Variants in OSBPL1A observed in about 807,000 individuals in gnomAD.
OSBPL1A encodes oxysterol-binding protein-related protein 1.
Under a neutral mutation model 137.1 loss-of-function variants are expected in OSBPL1A, and 80 were observed. The ratio of observed to expected loss-of-function variants is 0.58; its 90% CI spans 0.49 to 0.70. The LOEUF is 0.70. OSBPL1A is among the 30% of genes least tolerant of loss of function. OSBPL1A has a pLI of 0.00. For synonymous variants in OSBPL1A, 365 were observed against 389.7 expected (o/e 0.94, Z 0.75); for missense variants, 970 against 1,129.4 (o/e 0.86, Z 2.02).
At chr18:24,263,103 T>A (rs986423139) in intron 15 of OSBPL1A, among the ~76,000 whole-genome samples, 1 of 152,200 alleles carries the variant, frequency 6.6e-6, no homozygotes, top group Non-Finnish European at 1.5e-5. Context: ...GACAATCACT[T>A]TGCTTTTTTA....
chr18:24,178,307 T>C (rs768931175), intron 20 of OSBPL1A, 112 bp from the exon 21 acceptor site: 16 of 1,094,182 alleles, frequency 1.5e-5, no homozygotes, highest in Non-Finnish European at 2.0e-5. Context: ...TTTGTTGTTG[T>C]TGTTGAGACA....
At chr18:24,363,447 CTTTTT>C (rs575394950) in intron 4 of OSBPL1A, among the ~76,000 whole-genome samples, 2 of 131,034 alleles carry the variant, frequency 1.5e-5, no homozygotes, top group Non-Finnish European at 3.2e-5. Context: ...TCTTTTTTTC[CTTTTT>C]TTTTTTTTTT....
chr18:24,260,836 T>TTAAAAAAAAAAA (rs2089429602), intron 15 of OSBPL1A, among the ~76,000 whole-genome samples: 1 of 49,820 alleles, frequency 2.0e-5, no homozygotes. Context: ...TTAAAAGAAC[T>TTAAAAAAAAAAA]CAAAAAAAAA....
chr18:24,251,607 C>G (rs559648421), intron 15 of OSBPL1A, among the ~76,000 whole-genome samples: 1 of 152,190 alleles, frequency 6.6e-6, no homozygotes, highest in Non-Finnish European at 1.5e-5. Context: ...AGGACAGGCA[C>G]AAACAAGCCT....
rs148564549 is a variant in OSBPL1A at position 24,296,968 on chromosome 18, C to T, written c.1174+6669G>A. Among the ~76,000 whole-genome samples, 1,224 of 151,984 alleles carry T rather than the reference C, an allele frequency of 8.1e-3. 21 individuals carry two copies. Among genetic ancestry groups the T allele is most frequent in the African/African-American group, 0.028 (1,165 of 41,472 alleles). On this transcript the variant is annotated intron_variant, in intron 14 of 27. Coordinates refer to ENST00000319481, the MANE Select transcript of OSBPL1A (RefSeq NM_080597.4). ...ATATTGGTCTGTAGTTTTCCTTGTT[C>T]GTTGTGTCCTTCTCTGGTTTTGGTA...
At chr18:24,191,197 T>C (rs1402660505) in intron 18 of OSBPL1A, among the ~76,000 whole-genome samples, 1 of 152,232 alleles carries the variant, frequency 6.6e-6, no homozygotes, top group Non-Finnish European at 1.5e-5. Flanking sequence ...TTGTGCAAGT[T>C]AGAGTTTTTC....
intron 15 of OSBPL1A, among the ~76,000 whole-genome samples, chr18:24,249,242 C>T (rs893403548): frequency 6.6e-6 from 1 of 152,334 alleles, no homozygotes; most frequent in African/African-American, 2.4e-5. Context: ...CCTAAAAGTA[C>T]TATGCACGTC....
intron 14 of OSBPL1A, among the ~76,000 whole-genome samples, chr18:24,291,258 G>C (rs759444701): frequency 6.6e-6 from 1 of 152,110 alleles, no homozygotes; most frequent in Non-Finnish European, 1.5e-5. Flanking sequence ...AGTTATTAGA[G>C]ATAAAATTAG....
At chr18:24,176,472 C>T (rs2086448992) in intron 21 of OSBPL1A, among the ~76,000 whole-genome samples, 1 of 148,006 alleles carries the variant, frequency 6.8e-6, no homozygotes, top group South Asian at 2.1e-4. Context: ...AAAAATACTT[C>T]TATTTTTTTT....
In OSBPL1A at chr18:24,271,166, A is replaced by T. The variant is rs2089708908; in HGVS notation, c.1281+9676T>A. On this transcript the variant is annotated intron_variant, in intron 15 of 27. Coordinates refer to ENST00000319481, the MANE Select transcript of OSBPL1A (RefSeq NM_080597.4). The surrounding 1 kb of genome is among the most constrained non-coding windows in gnomAD (Gnocchi z 4.0). ...CTTAATCCGCTCATGCACTTCTCGTATTCTTGGAATTTCAGCGGCCTCTGA... is the reference window on the plus strand; with the variant it reads ...CTTAATCCGCTCATGCACTTCTCGTTTTCTTGGAATTTCAGCGGCCTCTGA... 6.6e-6 allele frequency among the ~76,000 whole-genome samples: 1 copy of T among 152,178 alleles called. No homozygotes were observed. The highest frequency in any genetic ancestry group is 6.5e-5 in the Admixed American group (1 of 15,274).
intron 15 of OSBPL1A, among the ~76,000 whole-genome samples, chr18:24,246,392 AAGCC>A (rs1409792154): frequency 4.6e-5 from 7 of 152,064 alleles, no homozygotes; most frequent in African/African-American, 1.7e-4. Context: ...GTGAAATGGG[AAGCC>A]AGTGGAGGAG....
rs113875149 is a variant in OSBPL1A, at chr18:24,377,629, T to C, written c.-2-94A>G. The C allele has an allele frequency of 1.8e-5, 23 of 1,278,506 alleles. No individual in the cohort carries two copies. The African/African-American group carries it at 2.3e-4, about 13-fold the overall frequency. The allele number at this position is 1,278,506 out of a possible 1,614,324, so 79.2% of individuals were successfully genotyped here. On this transcript the variant is annotated intron_variant, in intron 1 of 27. Coordinates refer to ENST00000319481, the MANE Select transcript of OSBPL1A (RefSeq NM_080597.4). ...ATACAGAAAGGGGAAAGAATCCTCA[T>C]TTTGCAGCTGATAAGACAGACACAA...
chr18:24,311,530 CT>C (rs2090619540), intron 13 of OSBPL1A: 1 of 988,542 alleles, frequency 1.0e-6, no homozygotes, highest in South Asian at 4.6e-5. Flanking sequence ...GATGCTTTAC[CT>C]TATCTCTTAG....
Position 24,174,567 on chromosome 18 carries a change from A to T in OSBPL1A, c.2094-2084T>A, listed in dbSNP as rs531540152. ...ATCCAAAACACTTTTGGTATATTTT[A>T]AAAAACGGATACTCAACCTGTATGA... is the stretch of plus-strand genomic sequence containing the variant. On this transcript the variant is annotated intron_variant, in intron 21 of 27. Coordinates refer to ENST00000319481, the MANE Select transcript of OSBPL1A (RefSeq NM_080597.4). Among the ~76,000 whole-genome samples the T allele has an allele frequency of 3.9e-5, 6 of 152,364 alleles. No individual in the cohort carries two copies. The South Asian group carries it at 1.2e-3, about 32-fold the overall frequency.
At chr18:24,175,108 G>GTATATATATATATATATATGTA (rs2086396481) in intron 21 of OSBPL1A, among the ~76,000 whole-genome samples, 14 of 111,494 alleles carry the variant, frequency 1.3e-4, no homozygotes, top group African/African-American at 6.0e-4. Context: ...CCATGTGTAT[G>GTATATATATATATATATATGTA]TATATATATA....
chr18:24,270,748 C>T (rs970720088), intron 15 of OSBPL1A, among the ~76,000 whole-genome samples: 7 of 152,078 alleles, frequency 4.6e-5, no homozygotes, highest in African/African-American at 1.4e-4. Flanking sequence ...CCCCACCCCA[C>T]CCCGTTTTCC....
chr18:24,167,473 T>G lies in OSBPL1A; in HGVS notation c.2419-28A>C, dbSNP rs746542031. The stretch of plus-strand genomic sequence containing the variant: ...AGAAAAACCAATCAATGAACAAAAT[T>G]TAAGTAGAAAGTTTTAAGATACAGT... On this transcript the variant is annotated intron_variant, in intron 24 of 27. Transcript: ENST00000319481. 3 of 1,584,374 alleles carry G rather than the reference T, an allele frequency of 1.9e-6. No homozygotes were observed. In the African/African-American group the frequency reaches 4.0e-5, roughly 21 times the overall value.
At chr18:24,317,261 G>GA (rs770174449) in intron 10 of OSBPL1A, 49 bp from the exon 11 acceptor site, 2 of 1,608,968 alleles carry the variant, frequency 1.2e-6, no homozygotes, top group Non-Finnish European at 1.7e-6. Flanking sequence ...AGAGACAAGT[G>GA]AAAAAAATTC....
At chr18:24,181,325 A>C in intron 18 of OSBPL1A, 46 bp from the exon 19 acceptor site, 1 of 1,585,344 alleles carries the variant, frequency 6.3e-7, no homozygotes, top group Non-Finnish European at 8.6e-7. Flanking sequence ...TATACATAAC[A>C]AACAAACCTA....
Sources: gnomAD v4.1 joint callset for allele counts (sites outside exome capture counted in the v4.1 genomes callset) on GRCh38, gnomAD v4.1.1 for gene constraint, Gnocchi (gnomAD v3.1) non-coding constraint, MANE v1.5 for transcripts, NCBI Gene and HGNC (gene_info 2026-07-23, HGNC 2026-07-21) for gene names.